FSTL1: variants seen among roughly 807,000 people sequenced by gnomAD.
The protein encoded by FSTL1 is follistatin like 1.
FSTL1 carries 24 observed loss-of-function variants against 45.9 expected under a neutral mutation model. That is an observed-to-expected ratio of 0.52 (90% CI 0.38 to 0.74). FSTL1 has a LOEUF of 0.74. FSTL1 is among the 30% of genes least tolerant of loss of function. The pLI, the probability that FSTL1 is intolerant of heterozygous loss-of-function variation, is 0.00. For missense variants in FSTL1, 340 were observed against 381.8 expected (o/e 0.89, Z 0.91); for synonymous variants, 120 against 137.6 (o/e 0.87, Z 0.89).
chr3:120,414,418 C>T (rs1160010698), intron 3 of FSTL1, among the ~76,000 whole-genome samples: 149 of 152,158 alleles, frequency 9.8e-4, no homozygotes, highest in Admixed American at 1.5e-3. Flanking sequence ...ATGTGGGGAG[C>T]GCCTCTGCCC....
intron 2 of FSTL1, among the ~76,000 whole-genome samples, chr3:120,417,011 T>G (rs1456091006): frequency 6.6e-6 from 1 of 152,178 alleles, no homozygotes; most frequent in Non-Finnish European, 1.5e-5. Flanking sequence ...TGAAGGAGAA[T>G]GTGATTTCCC....
Position 120,450,987 on chromosome 3 carries a change from C to G in FSTL1, c.-91G>C, listed in dbSNP as rs1344476374. ...TGGGAGCTCCGCCGATCGCCAGCCT[C>G]GGAGGAAATGCGACCTCCCCTCGCC... On this transcript the variant is annotated 5_prime_UTR_variant, in exon 1 of 11. Coordinates refer to ENST00000295633, the MANE Select transcript of FSTL1 (RefSeq NM_007085.5). 4.4e-6 allele frequency: 2 copies of G among 458,878 alleles called. No individual in the cohort carries two copies. Among genetic ancestry groups the G allele is most frequent in the Non-Finnish European group, 7.7e-6 (2 of 260,486 alleles). 28.4% of individuals were successfully genotyped at this position (458,878 alleles called of 1,614,324 possible). A position where few individuals can be genotyped will look rare whatever the true frequency, so the allele number is the denominator to read the frequency against.
intron 6 of FSTL1, among the ~76,000 whole-genome samples, chr3:120,408,994 CTG>C (rs1936999452): frequency 6.6e-6 from 1 of 152,202 alleles, no homozygotes; most frequent in Non-Finnish European, 1.5e-5. Context: ...GTGGAACACT[CTG>C]TCTCTTCAAC....
intron 2 of FSTL1, among the ~76,000 whole-genome samples, chr3:120,417,316 C>T (rs1029389218): frequency 6.6e-6 from 1 of 152,178 alleles, no homozygotes; most frequent in Non-Finnish European, 1.5e-5. Flanking sequence ...AAGAGGCTTT[C>T]GAGCTGAGGT....
chr3:120,404,590 G>A (rs1344590462), intron 7 of FSTL1, among the ~76,000 whole-genome samples: 3 of 152,202 alleles, frequency 2.0e-5, no homozygotes, highest in Non-Finnish European at 4.4e-5. Context: ...GCTCTGACGT[G>A]CCCTTGGCAA....
intron 4 of FSTL1, 161 bp from the exon 5 acceptor site, chr3:120,411,145 C>T (rs1937043198): frequency 1.7e-6 from 1 of 571,682 alleles, no homozygotes; most frequent in Non-Finnish European, 3.2e-6. Flanking sequence ...TTCTAGGGCC[C>T]AGGTATGAGG....
intron 2 of FSTL1, among the ~76,000 whole-genome samples, chr3:120,429,856 T>G (rs1188229527): frequency 6.6e-6 from 1 of 152,202 alleles, no homozygotes; most frequent in Admixed American, 6.5e-5. Flanking sequence ...CAATCATTCA[T>G]TTCACACTTT....
rs549707385 is a variant in FSTL1, at chr3:120,432,705, C to G, written c.64-16678G>C. On this transcript the variant is annotated intron_variant, in intron 2 of 10. Transcript: ENST00000295633. The stretch of plus-strand genomic sequence containing the variant: ...TAACTGTGTAAACACTGGAGAAATG[C>G]CACATATTTAACTGTTTGGGGTCAC... 5.3e-5 allele frequency among the ~76,000 whole-genome samples: 8 copies of G among 152,316 alleles called. No individual in the cohort carries two copies. In the East Asian group the frequency reaches 1.5e-3, roughly 29 times the overall value.
At chr3:120,417,524 GA>G (rs556176420) in intron 2 of FSTL1, among the ~76,000 whole-genome samples, 159 of 152,300 alleles carry the variant, frequency 1.0e-3, no homozygotes, top group African/African-American at 3.7e-3. Flanking sequence ...GCGAATTCAA[GA>G]AAGCTAGCAG....
chr3:120,413,471 G>C (rs2107656380), intron 3 of FSTL1, among the ~76,000 whole-genome samples: 1 of 152,172 alleles, frequency 6.6e-6, no homozygotes, highest in African/African-American at 2.4e-5. Flanking sequence ...CCACCACACT[G>C]TGGCCAGGTA....
chr3:120,442,275 A>C (rs1179673442), intron 2 of FSTL1, among the ~76,000 whole-genome samples: 1 of 152,220 alleles, frequency 6.6e-6, no homozygotes, highest in Non-Finnish European at 1.5e-5. Context: ...AGTAACTTGC[A>C]CAAGGCCTCA....
intron 2 of FSTL1, 42 bp downstream of exon 2, chr3:120,450,642 G>C: frequency 7.1e-7 from 1 of 1,417,362 alleles, no homozygotes; most frequent in Non-Finnish European, 9.4e-7. Flanking sequence ...AGACCCAAGA[G>C]GCCCCGGGGA....
Position 120,449,601 on chromosome 3 carries a change from T to G in FSTL1, c.63+1083A>C, listed in dbSNP as rs1018840629. Among the ~76,000 whole-genome samples, 3 of 152,340 alleles carry G rather than the reference T, an allele frequency of 2.0e-5. 1 individual carries two copies. In the South Asian group the frequency reaches 6.2e-4, roughly 32 times the overall value. ...ACAGTTGATTGAGTTTCCACCTCAA[T>G]CAACAACGTAGTAGTGAATTAAATG... is the stretch of plus-strand genomic sequence containing the variant. On this transcript the variant is annotated intron_variant, in intron 2 of 10. Transcript: ENST00000295633.
intron 2 of FSTL1, among the ~76,000 whole-genome samples, chr3:120,436,429 G>C (rs78227576): frequency 0.01 from 1,585 of 152,306 alleles, 23 homozygotes; most frequent in South Asian, 0.067. Flanking sequence ...ACTCACACCT[G>C]AAGTGTGTTC....
At chr3:120,399,826 G>T in intron 10 of FSTL1, 57 bp downstream of exon 10, 3 of 1,159,712 alleles carry the variant, frequency 2.6e-6, no homozygotes, top group Non-Finnish European at 3.8e-6. Flanking sequence ...GTGTTTGAAT[G>T]GTATAGGGCC....
At position 120,396,495 on chromosome 3, in the gene FSTL1, G is replaced by A. The variant is rs1291736966; in HGVS notation, c.*457C>T. 1.3e-5 allele frequency: 2 copies of A among 159,350 alleles called. No homozygotes were observed. The highest frequency in any genetic ancestry group is 2.8e-5 in the Non-Finnish European group (2 of 72,456). 9.9% of individuals were successfully genotyped at this position (159,350 alleles called of 1,614,324 possible). A position where few individuals can be genotyped will look rare whatever the true frequency, so the allele number is the denominator to read the frequency against. The stretch of plus-strand genomic sequence containing the variant: ...ACCAAGAGATGCGTGGATGCTGGAG[G>A]TCTGTCATGCTGACGGCAATGGAAA... On this transcript the variant is annotated 3_prime_UTR_variant, in exon 11 of 11. Coordinates refer to ENST00000295633, the MANE Select transcript of FSTL1 (RefSeq NM_007085.5).
At chr3:120,436,017 G>A (rs1937549686) in intron 2 of FSTL1, among the ~76,000 whole-genome samples, 1 of 151,614 alleles carries the variant, frequency 6.6e-6, no homozygotes, top group Admixed American at 6.6e-5. Flanking sequence ...CTCAAGCGCT[G>A]GTTGTTTTTA....
At position 120,393,616 on chromosome 3, in the gene FSTL1, C is replaced by T. The variant is rs34805176; in HGVS notation, c.*3336G>A. On this transcript the variant is annotated 3_prime_UTR_variant, in exon 11 of 11. Transcript: ENST00000295633. ...GCCTCACTGGATGCCATTTAGTCTC[C>T]TAAATCATATGGGGGATTTACGAGT... The T allele has an allele frequency of 0.25, 37,954 of 152,126 alleles. 5,660 individuals are homozygous for T. The highest frequency in any genetic ancestry group is 0.35 in the Non-Finnish European group (23,687 of 67,968). The allele number at this position is 152,126 out of a possible 1,614,324, so 9.4% of individuals were successfully genotyped here.
chr3:120,401,585 C>CT lies in FSTL1; in HGVS notation c.805+1222dup, dbSNP rs11361184. 3.6e-3 allele frequency among the ~76,000 whole-genome samples: 533 copies of CT among 146,746 alleles called. 2 individuals carry two copies. The highest frequency in any genetic ancestry group is 5.2e-3 in the South Asian group (24 of 4,592). ...GACACAGTTAACTTCTTAAAATAAA[C>CT]TTTTTTTTTTTTTTTAAGACAAGGT... On this transcript the variant is annotated intron_variant, in intron 9 of 10. Transcript: ENST00000295633.
Sources: allele counts gnomAD v4.1 joint callset (sites outside exome capture counted in the v4.1 genomes callset), GRCh38; gene constraint gnomAD v4.1.1; transcripts MANE v1.5; gene names NCBI Gene and HGNC (gene_info 2026-07-23, HGNC 2026-07-21).